Variants in NRXN1 observed in about 807,000 individuals in gnomAD.
NRXN1 encodes the protein neurexin-1.
In NRXN1, 39 loss-of-function variants were observed where a neutral mutation model predicts 150.9. The observed-to-expected ratio is 0.26, with a 90% CI of 0.20 to 0.34. NRXN1 has a LOEUF of 0.34. Among genes scored for constraint, NRXN1 ranks in the 10% least tolerant of loss-of-function variants. The probability of loss-of-function intolerance (pLI) is 1.00; values close to 1 mark genes in which losing one functional copy is unlikely to be tolerated. For missense variants in NRXN1, 1,815 were observed against 1,949.9 expected (o/e 0.93, Z 1.30); for synonymous variants, 924 against 757.0 (o/e 1.22, Z -3.62).
At chr2:50,069,302 A>G in intron 19 of NRXN1, among the ~76,000 whole-genome samples, 1 of 152,100 alleles carries the variant, frequency 6.6e-6, no homozygotes, top group Admixed American at 6.6e-5. Flanking sequence ...TGCTTGATCC[A>G]TTTTCTGCAA....
At chr2:50,995,182 C>A (rs979786493) in intron 2 of NRXN1, among the ~76,000 whole-genome samples, 1 of 151,844 alleles carries the variant, frequency 6.6e-6, no homozygotes. Flanking sequence ...AACTGCCAAG[C>A]TGAAAAGGAT....
chr2:50,388,270 G>T (rs1304852568), intron 17 of NRXN1, among the ~76,000 whole-genome samples: 2 of 152,098 alleles, frequency 1.3e-5, no homozygotes, highest in Non-Finnish European at 2.9e-5. Flanking sequence ...CAGTGGCACA[G>T]GGCTGATATC....
chr2:50,250,168 T>C (rs2066906361), intron 17 of NRXN1, among the ~76,000 whole-genome samples: 1 of 152,196 alleles, frequency 6.6e-6, no homozygotes, highest in Non-Finnish European at 1.5e-5. Flanking sequence ...AATGATTAAG[T>C]GACTGTCTCC....
At chr2:50,065,466 G>T (rs979033495) in intron 19 of NRXN1, among the ~76,000 whole-genome samples, 2 of 152,252 alleles carry the variant, frequency 1.3e-5, no homozygotes, top group South Asian at 4.1e-4. Flanking sequence ...ATTAAGGCTT[G>T]TCTACAAAGT....
chr2:49,944,663 A>G (rs1193154386), intron 21 of NRXN1, among the ~76,000 whole-genome samples: 1 of 152,186 alleles, frequency 6.6e-6, no homozygotes, highest in African/African-American at 2.4e-5. Flanking sequence ...TAAATTCAGC[A>G]TAGATATTGC....
intron 15 of NRXN1, among the ~76,000 whole-genome samples, chr2:50,473,926 T>C (rs1049503789): frequency 1.3e-5 from 2 of 152,018 alleles, no homozygotes; most frequent in African/African-American, 4.8e-5. Flanking sequence ...AGGAATCATG[T>C]GGCATACTCA....
Position 51,027,507 on chromosome 2 carries a change from C to T in NRXN1, c.767G>A (p.Ser256Asn). ...GGTCGGGCGTCGGGCCTTACCTTGG[C>T]TGCAGTCCTTGCCGCGGAAGCCGGT... is the stretch of plus-strand genomic sequence containing the variant. ...SRTGFRGKDCSQEDNNVEGLA... is the reference protein window; with the variant it reads ...SRTGFRGKDCNQEDNNVEGLA... Residue 256 changes from serine to asparagine, a missense_variant, in exon 2 of 23, where the codon AGC (serine) becomes AAC (asparagine). By Grantham distance (46) the Ser-to-Asn change is conservative (BLOSUM62 1). This residue lies in a region of NRXN1 where 554 missense variants were observed against 478.8 expected (regional missense o/e 1.16). Transcript: ENST00000401669. The T allele has an allele frequency of 6.5e-7, 1 of 1,534,714 alleles. No individual in the cohort carries two copies. Among genetic ancestry groups the T allele is most frequent in the South Asian group, 1.3e-5 (1 of 79,360 alleles).
intron 16 of NRXN1, among the ~76,000 whole-genome samples, chr2:50,470,945 C>A (rs1226886757): frequency 2.0e-5 from 3 of 151,708 alleles, no homozygotes; most frequent in Non-Finnish European, 4.4e-5. Context: ...TGGGGTGATA[C>A]AAGAAACTTG....
intron 17 of NRXN1, among the ~76,000 whole-genome samples, chr2:50,245,702 A>G (rs1238808335): frequency 6.6e-6 from 1 of 151,874 alleles, no homozygotes; most frequent in African/African-American, 2.4e-5. Flanking sequence ...TTAGGATTCA[A>G]GAGTCAAGAA....
chr2:50,230,423 C>T (rs2064829898), intron 18 of NRXN1, among the ~76,000 whole-genome samples: 1 of 151,720 alleles, frequency 6.6e-6, no homozygotes, highest in African/African-American at 2.4e-5. Context: ...TTGCCTTTAC[C>T]CATATATAAT....
At chr2:50,451,339 C>A (rs1421446451) in intron 17 of NRXN1, among the ~76,000 whole-genome samples, 1 of 152,132 alleles carries the variant, frequency 6.6e-6, no homozygotes, top group Non-Finnish European at 1.5e-5. Context: ...AAATGTTTTC[C>A]TGGTTATTTG....
At chr2:50,612,902 T>C (rs973177458) in intron 8 of NRXN1, among the ~76,000 whole-genome samples, 3 of 152,172 alleles carry the variant, frequency 2.0e-5, no homozygotes, top group African/African-American at 7.2e-5. Flanking sequence ...AGTCTACTAT[T>C]CTACACATGA....
chr2:49,983,992 A>G (rs1680457572), intron 21 of NRXN1, among the ~76,000 whole-genome samples: 1 of 137,730 alleles, frequency 7.3e-6, no homozygotes, highest in South Asian at 2.6e-4. Flanking sequence ...GTGAGATCTC[A>G]TTTCTACTAA....
Position 49,933,229 on chromosome 2 carries a change from C to T in NRXN1, c.4216+10475G>A, listed in dbSNP as rs183356501. Among the ~76,000 whole-genome samples the T allele has an allele frequency of 1.9e-4, 29 of 151,922 alleles. No homozygotes were observed. The East Asian group carries it at 2.5e-3, about 13-fold the overall frequency. ...AGCCTCCCAAGTAGCTGGGACTACA[C>T]GCACCTGCCACCACGCCCGGCTAAT... On this transcript the variant is annotated intron_variant, in intron 22 of 22. Coordinates refer to ENST00000401669, the MANE Select transcript of NRXN1 (RefSeq NM_001330078.2).
At chr2:50,975,476 C>A (rs1375029009) in intron 2 of NRXN1, among the ~76,000 whole-genome samples, 1 of 152,098 alleles carries the variant, frequency 6.6e-6, no homozygotes, top group Non-Finnish European at 1.5e-5. Context: ...AAATGTCTTA[C>A]AACAAATTAG....
intron 5 of NRXN1, among the ~76,000 whole-genome samples, chr2:50,890,164 C>T (rs1407336371): frequency 6.6e-6 from 1 of 151,728 alleles, no homozygotes; most frequent in African/African-American, 2.4e-5. Flanking sequence ...TCATGCATCA[C>T]CTACTTCCAA....
At chr2:50,739,892 G>T (rs921810750) in intron 5 of NRXN1, among the ~76,000 whole-genome samples, 1 of 151,906 alleles carries the variant, frequency 6.6e-6, no homozygotes, top group Non-Finnish European at 1.5e-5. Flanking sequence ...ATAGAATTTG[G>T]TTACCTTTAT....
At chr2:50,555,226 A>T (rs1410073323) in intron 8 of NRXN1, among the ~76,000 whole-genome samples, 1 of 152,190 alleles carries the variant, frequency 6.6e-6, no homozygotes, top group East Asian at 1.9e-4. Flanking sequence ...CTCTTGATCA[A>T]TGCTAACACT....
chr2:50,107,798 C>T (rs1701882780), intron 18 of NRXN1, among the ~76,000 whole-genome samples: 2 of 151,658 alleles, frequency 1.3e-5, no homozygotes, highest in Admixed American at 6.6e-5. Flanking sequence ...TATCAATGAC[C>T]ATTTGCTATG....
Sources: gnomAD v4.1 joint callset for allele counts (sites outside exome capture counted in the v4.1 genomes callset) on GRCh38, gnomAD v4.1.1 for gene constraint, gnomAD v4.1.1 regional missense constraint, MANE v1.5 for transcripts, NCBI Gene and HGNC (gene_info 2026-07-23, HGNC 2026-07-21) for gene names.